Variants in SYNE1 observed in about 807,000 individuals in gnomAD.
SYNE1 encodes spectrin repeat containing nuclear envelope protein 1.
A neutral mutation model predicts 1,111.0 loss-of-function variants in SYNE1; 616 were observed. The observed-to-expected ratio is 0.55, with a 90% confidence interval of 0.52 to 0.59. The LOEUF (loss-of-function observed/expected upper bound fraction) is 0.59. SYNE1 is among the 20% of genes least tolerant of loss of function. The pLI is 0.00. For synonymous variants in SYNE1, 3,855 were observed against 3,825.8 expected, an observed-to-expected ratio of 1.01 and a Z score of -0.28; for missense variants, 10,006 against 10,417.0, an observed-to-expected ratio of 0.96 and a Z score of 1.72.
At chr6:152,130,811 G>T (rs1291492466) in intron 144 of SYNE1, 33 bp from the exon 145 acceptor site, 1 of 1,610,622 alleles carries the variant, frequency 6.2e-7, no homozygotes, top group Non-Finnish European at 8.5e-7. Flanking sequence ...AAAGAAAGAA[G>T]AATGTTCAGT....
chr6:152,373,560 G>A (rs1009263190), intron 58 of SYNE1, among the ~76,000 whole-genome samples: 14 of 152,100 alleles, frequency 9.2e-5, no homozygotes, highest in East Asian at 3.9e-4. Flanking sequence ...GATTACAGGC[G>A]TGAGCCACCA....
chr6:152,462,912 G>A (rs965168154), intron 19 of SYNE1, 22 bp from the exon 20 acceptor site: 1 of 1,613,360 alleles, frequency 6.2e-7, no homozygotes, highest in African/African-American at 1.3e-5. Context: ...AGGGAGGAGG[G>A]AACATCGTGA....
intron 104 of SYNE1, among the ~76,000 whole-genome samples, chr6:152,253,222 A>T (rs1190099423): frequency 2.0e-5 from 3 of 152,128 alleles, no homozygotes; most frequent in African/African-American, 7.2e-5. Flanking sequence ...AAAATACAAA[A>T]ATATATATAT....
At position 152,490,921 on chromosome 6, in the gene SYNE1, G is replaced by A. The variant is rs570166318; in HGVS notation, c.940-2418C>T. ...TTCACTCTCTTCTCCAGCTTCTCTC[G>A]CTACCTTTCAATCTCCCTGTCCTTC... is the stretch of plus-strand genomic sequence containing the variant. On this transcript the variant is annotated intron_variant, in intron 11 of 145. Coordinates refer to ENST00000367255, the MANE Select transcript of SYNE1 (RefSeq NM_182961.4). Among the ~76,000 whole-genome samples the A allele has an allele frequency of 8.5e-5, 13 of 152,198 alleles. No individual in the cohort carries two copies. The East Asian group carries it at 9.7e-4, about 11-fold the overall frequency.
At chr6:152,474,250 A>G (rs2098823108) in intron 14 of SYNE1, among the ~76,000 whole-genome samples, 1 of 152,132 alleles carries the variant, frequency 6.6e-6, no homozygotes, top group Non-Finnish European at 1.5e-5. Flanking sequence ...CCATCTCACT[A>G]TAAAGCAGCT....
chr6:152,400,259 C>T (rs898186361), intron 47 of SYNE1, among the ~76,000 whole-genome samples: 1 of 151,342 alleles, frequency 6.6e-6, no homozygotes, highest in African/African-American at 2.4e-5. Flanking sequence ...GTTTCTAGTA[C>T]AGTAAGGAAA....
intron 105 of SYNE1, among the ~76,000 whole-genome samples, chr6:152,247,054 A>C (rs770265898): frequency 1.3e-5 from 2 of 152,220 alleles, no homozygotes; most frequent in Non-Finnish European, 2.9e-5. Flanking sequence ...AGTAAAGAGA[A>C]AGACTTGGGA....
intron 42 of SYNE1, chr6:152,410,460 C>T (rs1049958720): frequency 6.6e-6 from 1 of 151,900 alleles, no homozygotes; most frequent in African/African-American, 2.4e-5. Flanking sequence ...CAGCTGGGCG[C>T]CATGGATGAT....
intron 42 of SYNE1, among the ~76,000 whole-genome samples, chr6:152,412,123 T>TA (rs2098065458): frequency 6.6e-6 from 1 of 152,064 alleles, no homozygotes; most frequent in African/African-American, 2.4e-5. Context: ...TATCCAGCTA[T>TA]AAAAAATGAA....
At chr6:152,303,447 G>A (rs1444159940) in intron 91 of SYNE1, among the ~76,000 whole-genome samples, 4 of 149,610 alleles carry the variant, frequency 2.7e-5, no homozygotes, top group African/African-American at 7.3e-5. Flanking sequence ...ATATTAAATT[G>A]TAATGTCTTT....
intron 127 of SYNE1, among the ~76,000 whole-genome samples, chr6:152,198,510 A>G (rs903591851): frequency 5.9e-5 from 9 of 152,194 alleles, no homozygotes; most frequent in Admixed American, 5.2e-4. Flanking sequence ...TTTGTGGCAC[A>G]AGAGGCCTAG....
intron 63 of SYNE1, among the ~76,000 whole-genome samples, chr6:152,363,246 G>A (rs1448676897): frequency 6.9e-6 from 1 of 144,878 alleles, no homozygotes; most frequent in Non-Finnish European, 1.5e-5. Flanking sequence ...TGTAATCCCA[G>A]CACTTTGGGA....
intron 3 of SYNE1, among the ~76,000 whole-genome samples, chr6:152,605,033 A>G (rs3102093): frequency 0.21 from 5,185 of 24,772 alleles, 607 homozygotes; most frequent in Middle Eastern, 0.31. Context: ...AGAGAGAGAG[A>G]GAGGGAGGGA....
At chr6:152,474,001 T>A (rs954501425) in intron 14 of SYNE1, among the ~76,000 whole-genome samples, 1 of 152,042 alleles carries the variant, frequency 6.6e-6, no homozygotes, top group Non-Finnish European at 1.5e-5. Context: ...CTGGCCAACA[T>A]GGTGAAACCC....
chr6:152,253,813 GTTTGGTTTTTTTTT>G (rs2090003316), intron 104 of SYNE1, among the ~76,000 whole-genome samples: 2 of 33,216 alleles, frequency 6.0e-5, no homozygotes, highest in Admixed American at 3.9e-4. Flanking sequence ...ATGTGTAGTG[GTTTGGTTTTTTTTT>G]TTTTTTTTTT....
At chr6:152,336,772 C>T in intron 76 of SYNE1, 69 bp downstream of exon 76, 1 of 1,579,476 alleles carries the variant, frequency 6.3e-7, no homozygotes, top group Non-Finnish European at 8.6e-7. Context: ...AGTGAATACA[C>T]TGAACACATT....
intron 3 of SYNE1, among the ~76,000 whole-genome samples, chr6:152,562,377 T>C (rs1316106175): frequency 6.6e-6 from 1 of 152,072 alleles, no homozygotes; most frequent in Non-Finnish European, 1.5e-5. Flanking sequence ...ATGTATATTA[T>C]CAAAATAGCA....
chr6:152,413,759 T>C (rs957772702), intron 41 of SYNE1, among the ~76,000 whole-genome samples: 1 of 152,198 alleles, frequency 6.6e-6, no homozygotes, highest in Admixed American at 6.5e-5. Flanking sequence ...TTCTTACTAC[T>C]CACCATCAAC....
chr6:152,512,712 G>T (rs545126814), intron 6 of SYNE1, among the ~76,000 whole-genome samples: 1 of 152,272 alleles, frequency 6.6e-6, no homozygotes, highest in African/African-American at 2.4e-5. Flanking sequence ...AACTTGTGAA[G>T]AAAAATGTTT....
Sources: allele counts gnomAD v4.1 joint callset (sites outside exome capture counted in the v4.1 genomes callset), GRCh38; gene constraint gnomAD v4.1.1; transcripts MANE v1.5; gene names NCBI Gene and HGNC (gene_info 2026-07-23, HGNC 2026-07-21).